Variants in B3GALT1 observed in about 807,000 individuals in gnomAD.
The protein encoded by B3GALT1 is UDP-Gal:betaGlcNAc beta 1,3-galactosyltransferase, polypeptide 1.
In B3GALT1, 10 loss-of-function variants were observed where a neutral mutation model predicts 23.2. The ratio of observed to expected loss-of-function variants is 0.43; its 90% CI spans 0.27 to 0.73. B3GALT1 has a LOEUF of 0.73. Among genes scored for constraint, B3GALT1 ranks in the 30% least tolerant of loss-of-function variants. B3GALT1 has a pLI of 0.21. For synonymous variants in B3GALT1, 156 were observed against 141.5 expected, an observed-to-expected ratio of 1.10 and a Z score of -0.73; for missense variants, 299 against 405.4, an observed-to-expected ratio of 0.74 and a Z score of 2.25.
intron 4 of B3GALT1, among the ~76,000 whole-genome samples, chr2:167,867,047 C>T (rs535050325): frequency 6.6e-6 from 1 of 152,074 alleles, no homozygotes; most frequent in South Asian, 2.1e-4. Context: ...CTGCCTCAGC[C>T]TCCCGAGTAG....
At chr2:167,768,571 C>T (rs558623062) in intron 3 of B3GALT1, among the ~76,000 whole-genome samples, 1 of 152,276 alleles carries the variant, frequency 6.6e-6, no homozygotes, top group Admixed American at 6.5e-5. Flanking sequence ...AGGAGGATGA[C>T]AGGAACATAT....
chr2:167,600,589 G>A (rs1176399569), intron 2 of B3GALT1, among the ~76,000 whole-genome samples: 2 of 152,002 alleles, frequency 1.3e-5, no homozygotes, highest in East Asian at 1.9e-4. Flanking sequence ...TGTTTTCTAT[G>A]TGTAGATTTA....
intron 3 of B3GALT1, among the ~76,000 whole-genome samples, chr2:167,680,704 C>A (rs903394472): frequency 6.6e-6 from 1 of 152,190 alleles, no homozygotes; most frequent in Non-Finnish European, 1.5e-5. Flanking sequence ...TAAGCCAAGG[C>A]TGTTGAAAAT....
At chr2:167,457,728 C>T (rs1699193678) in intron 1 of B3GALT1, among the ~76,000 whole-genome samples, 1 of 152,048 alleles carries the variant, frequency 6.6e-6, no homozygotes, top group South Asian at 2.1e-4. Flanking sequence ...TGGGGCAAGT[C>T]ATTTGGTGTT....
intron 1 of B3GALT1, among the ~76,000 whole-genome samples, chr2:167,373,336 TA>T (rs1250461124): frequency 1.3e-5 from 2 of 151,976 alleles, no homozygotes; most frequent in African/African-American, 4.8e-5. Flanking sequence ...ACACAAACAA[TA>T]TAAGAACATA....
At chr2:167,461,017 A>C (rs1382118044) in intron 1 of B3GALT1, among the ~76,000 whole-genome samples, 3 of 152,186 alleles carry the variant, frequency 2.0e-5, no homozygotes, top group Admixed American at 6.6e-5. Context: ...TGGTCGTTTA[A>C]TTCCTTTGGA....
intron 2 of B3GALT1, among the ~76,000 whole-genome samples, chr2:167,508,995 C>T (rs1371164488): frequency 2.0e-5 from 3 of 152,136 alleles, no homozygotes; most frequent in Admixed American, 2.0e-4. Flanking sequence ...TGCTGCTAAC[C>T]CTTTTGTTCC....
chr2:167,497,467 A>G (rs781040645), intron 2 of B3GALT1, among the ~76,000 whole-genome samples: 5 of 152,212 alleles, frequency 3.3e-5, no homozygotes, highest in African/African-American at 1.2e-4. Context: ...CAAGATGCTC[A>G]ATTGTACCGA....
At chr2:167,379,037 C>T (rs1277326128) in intron 1 of B3GALT1, among the ~76,000 whole-genome samples, 1 of 152,084 alleles carries the variant, frequency 6.6e-6, no homozygotes, top group Non-Finnish European at 1.5e-5. Flanking sequence ...AAAGAACTTA[C>T]CCAAGACTGA....
At chr2:167,704,343 C>A (rs887299978) in intron 3 of B3GALT1, among the ~76,000 whole-genome samples, 1 of 151,936 alleles carries the variant, frequency 6.6e-6, no homozygotes. Flanking sequence ...ATAATGCCTG[C>A]TTACCGAATA....
intron 3 of B3GALT1, among the ~76,000 whole-genome samples, chr2:167,738,802 T>A (rs1297195391): frequency 7.1e-6 from 1 of 140,000 alleles, no homozygotes; most frequent in African/African-American, 2.6e-5. Context: ...TGTATACTTT[T>A]GTGGGACCAA....
At position 167,666,229 on chromosome 2, in the gene B3GALT1, G is replaced by A. The variant is rs979173420; in HGVS notation, c.-352+19263G>A. The stretch of plus-strand genomic sequence containing the variant: ...TGTACCCAGTAGTCCTTCAGGTGTA[G>A]GTTGTTCAGTTTCCATGTAGTTGAG... On this transcript the variant is annotated intron_variant, in intron 3 of 4. Coordinates refer to ENST00000392690, the MANE Select transcript of B3GALT1 (RefSeq NM_020981.4). Among the ~76,000 whole-genome samples, 2 of 152,164 alleles carry A rather than the reference G, an allele frequency of 1.3e-5. 1 individual carries two copies. The highest frequency in any genetic ancestry group is 4.1e-4 in the South Asian group (2 of 4,832).
intron 4 of B3GALT1, among the ~76,000 whole-genome samples, chr2:167,840,798 T>C (rs1383016742): frequency 2.1e-5 from 3 of 146,250 alleles, no homozygotes; most frequent in Admixed American, 6.9e-5. Flanking sequence ...AATGATAGAC[T>C]GGATTAAGAA....
At chr2:167,419,163 C>T (rs1167808020) in intron 1 of B3GALT1, among the ~76,000 whole-genome samples, 1 of 152,016 alleles carries the variant, frequency 6.6e-6, no homozygotes, top group Admixed American at 6.6e-5. Flanking sequence ...ATAAGAAAAT[C>T]CATAGTCTTA....
At chr2:167,769,061 A>C (rs1001687127) in intron 3 of B3GALT1, among the ~76,000 whole-genome samples, 2 of 152,108 alleles carry the variant, frequency 1.3e-5, no homozygotes, top group Non-Finnish European at 2.9e-5. Flanking sequence ...GAATCTATCT[A>C]ATGGCTAGGC....
chr2:167,391,103 G>T (rs368447812), intron 1 of B3GALT1, among the ~76,000 whole-genome samples: 1 of 152,198 alleles, frequency 6.6e-6, no homozygotes, highest in East Asian at 1.9e-4. Flanking sequence ...ATTCTAGTTT[G>T]CTGGATTCCC....
rs752125198 is a variant in B3GALT1 at position 167,840,847 on chromosome 2, TA to T, written c.-230+22060del. On this transcript the variant is annotated intron_variant, in intron 4 of 4. Transcript: ENST00000392690. ...TACACCATGGAATACTATGCAGCCA[TA>T]AAAAATGATGAGTTCATGTCCTTTG... Among the ~76,000 whole-genome samples, 533 of 145,134 alleles carry T rather than the reference TA, an allele frequency of 3.7e-3. 19 individuals carry two copies. In the East Asian group the frequency reaches 0.088, roughly 24 times the overall value.
chr2:167,327,960 C>A (rs1696920244), intron 1 of B3GALT1, among the ~76,000 whole-genome samples: 1 of 152,164 alleles, frequency 6.6e-6, no homozygotes, highest in Non-Finnish European at 1.5e-5. Context: ...AATACTTTTT[C>A]TGCATCTATT....
At chr2:167,449,269 G>A (rs1025371755) in intron 1 of B3GALT1, among the ~76,000 whole-genome samples, 5 of 152,126 alleles carry the variant, frequency 3.3e-5, no homozygotes, top group Non-Finnish European at 5.9e-5. Flanking sequence ...ATTTCTTTCA[G>A]CAGTGTTTTG....
Sources: allele counts gnomAD v4.1 joint callset (sites outside exome capture counted in the v4.1 genomes callset), GRCh38; gene constraint gnomAD v4.1.1; transcripts MANE v1.5; gene names NCBI Gene and HGNC (gene_info 2026-07-23, HGNC 2026-07-21).